Variants in NPSR1 observed in about 807,000 individuals in gnomAD.
NPSR1 encodes neuropeptide S receptor 1, also known as neuropeptide S receptor.
NPSR1 carries 48 observed loss-of-function variants against 46.9 expected under a neutral mutation model. That is an observed-to-expected ratio of 1.02 (90% CI 0.81 to 1.30). NPSR1 has a LOEUF of 1.30. NPSR1 is among the 50% of genes most tolerant of loss of function. The pLI is 0.00. For missense variants in NPSR1, 450 were observed against 449.5 expected, an observed-to-expected ratio of 1.00 and a Z score of -0.01; for synonymous variants, 176 against 168.1, an observed-to-expected ratio of 1.05 and a Z score of -0.36.
chr7:34,834,721 G>A (rs1187949811), intron 6 of NPSR1, among the ~76,000 whole-genome samples: 1 of 152,178 alleles, frequency 6.6e-6, no homozygotes, highest in African/African-American at 2.4e-5. Context: ...CTTTGACCTA[G>A]GATCCAAGGG....
intron 2 of NPSR1, among the ~76,000 whole-genome samples, chr7:34,749,757 G>A (rs1304596761): frequency 6.6e-6 from 1 of 152,232 alleles, no homozygotes; most frequent in African/African-American, 2.4e-5. Context: ...CGTATCCTTA[G>A]AAGGTTTCCG....
At chr7:34,734,923 G>A (rs1335053323) in intron 2 of NPSR1, among the ~76,000 whole-genome samples, 1 of 152,156 alleles carries the variant, frequency 6.6e-6, no homozygotes, top group African/African-American at 2.4e-5. Context: ...CCTCTTGGCT[G>A]TACTTTTTTC....
intron 8 of NPSR1, among the ~76,000 whole-genome samples, chr7:34,875,427 C>T (rs1791551914): frequency 1.3e-5 from 2 of 152,220 alleles, no homozygotes; most frequent in Non-Finnish European, 2.9e-5. Flanking sequence ...AGTTTAGCTG[C>T]TTCCGGCGCC....
chr7:34,813,992 G>C (rs1035431683), intron 4 of NPSR1, among the ~76,000 whole-genome samples: 2 of 152,212 alleles, frequency 1.3e-5, no homozygotes, highest in East Asian at 3.8e-4. Flanking sequence ...CAGCATGATC[G>C]ATGCAGAAGA....
At chr7:34,804,824 C>A (rs1461922291) in intron 3 of NPSR1, among the ~76,000 whole-genome samples, 1 of 151,746 alleles carries the variant, frequency 6.6e-6, no homozygotes. Flanking sequence ...AACTTCCAGA[C>A]CTAGTAGGCA....
chr7:34,786,534 A>G (rs1787474799), intron 3 of NPSR1, among the ~76,000 whole-genome samples: 3 of 152,126 alleles, frequency 2.0e-5, no homozygotes, highest in African/African-American at 7.2e-5. Flanking sequence ...AATGACATCT[A>G]AGTAGTGAGT....
intron 8 of NPSR1, among the ~76,000 whole-genome samples, chr7:34,864,708 T>G (rs562113412): frequency 2.0e-5 from 3 of 151,884 alleles, no homozygotes; most frequent in Admixed American, 6.5e-5. Flanking sequence ...TTTTTCCTCA[T>G]GAGCATCTTG....
intron 8 of NPSR1, among the ~76,000 whole-genome samples, chr7:34,866,608 A>G (rs1370394349): frequency 6.6e-6 from 1 of 151,312 alleles, no homozygotes; most frequent in African/African-American, 2.5e-5. Flanking sequence ...GCATAATTAG[A>G]CTGTGATAAG....
At chr7:34,754,334 A>C (rs1327301515) in intron 2 of NPSR1, among the ~76,000 whole-genome samples, 1 of 152,226 alleles carries the variant, frequency 6.6e-6, no homozygotes, top group East Asian at 1.9e-4. Context: ...GCTTCTGAAA[A>C]AAGAACTGAG....
At chr7:34,824,684 A>T (rs752802264) in intron 4 of NPSR1, among the ~76,000 whole-genome samples, 7 of 151,900 alleles carry the variant, frequency 4.6e-5, no homozygotes, top group Non-Finnish European at 1.0e-4. Flanking sequence ...CTCAAAAGTG[A>T]ATGCACTGTT....
intron 3 of NPSR1, among the ~76,000 whole-genome samples, chr7:34,811,410 A>G (rs1788979809): frequency 6.6e-6 from 1 of 152,038 alleles, no homozygotes; most frequent in Non-Finnish European, 1.5e-5. Flanking sequence ...CTGTTCTGCC[A>G]TTCGTCTGCT....
At chr7:34,826,393 G>A (rs780779581) in intron 4 of NPSR1, among the ~76,000 whole-genome samples, 3 of 151,962 alleles carry the variant, frequency 2.0e-5, no homozygotes, top group Non-Finnish European at 4.4e-5. Flanking sequence ...CTTGTAGCTC[G>A]ACCACAGTCA....
chr7:34,695,160 C>T (rs975295531), intron 2 of NPSR1, among the ~76,000 whole-genome samples: 2 of 152,134 alleles, frequency 1.3e-5, no homozygotes, highest in East Asian at 1.9e-4. Context: ...AGTTAAAATG[C>T]CACATACCTG....
At chr7:34,828,692 C>A (rs1486492437) in intron 5 of NPSR1, among the ~76,000 whole-genome samples, 2 of 152,142 alleles carry the variant, frequency 1.3e-5, no homozygotes, top group African/African-American at 4.8e-5. Flanking sequence ...TGATAAAAAT[C>A]CTTGTACTTA....
intron 4 of NPSR1, among the ~76,000 whole-genome samples, chr7:34,825,415 C>G (rs1032669745): frequency 6.6e-6 from 1 of 152,220 alleles, no homozygotes; most frequent in Non-Finnish European, 1.5e-5. Flanking sequence ...CAGAGCTTGA[C>G]ATGTTCCCTG....
At chr7:34,753,707 G>A (rs1785664801) in intron 2 of NPSR1, 2 of 152,074 alleles carry the variant, frequency 1.3e-5, no homozygotes, top group African/African-American at 4.8e-5. Flanking sequence ...GCAACATAAA[G>A]AGACGCCCCT....
chr7:34,844,469 GATGA>G (rs562291651), intron 6 of NPSR1, among the ~76,000 whole-genome samples: 1 of 148,936 alleles, frequency 6.7e-6, no homozygotes, highest in Non-Finnish European at 1.5e-5. Flanking sequence ...TTTTTTTTTT[GATGA>G]ATGTATTTGT....
chr7:34,685,727 T>C (rs1273014855), intron 2 of NPSR1: 1 of 423,624 alleles, frequency 2.4e-6, no homozygotes, highest in African/African-American at 2.1e-5. Flanking sequence ...TAACCTGAAA[T>C]TCCCCTTTTT....
chr7:34,711,691 A>G (rs1314307209), intron 2 of NPSR1, among the ~76,000 whole-genome samples: 1 of 152,236 alleles, frequency 6.6e-6, no homozygotes, highest in Non-Finnish European at 1.5e-5. Flanking sequence ...AAACACTGAG[A>G]CGATGCACAT....
Sources: allele counts gnomAD v4.1 joint callset (sites outside exome capture counted in the v4.1 genomes callset), GRCh38; gene constraint gnomAD v4.1.1; transcripts MANE v1.5; gene names NCBI Gene and HGNC (gene_info 2026-07-23, HGNC 2026-07-21).